The following TSPO variants were observed in gnomAD, a reference collection of about 807,000 sequenced individuals.
TSPO encodes benzodiazepine peripheral binding site.
TSPO carries 14 observed loss-of-function variants against 13.9 expected under a neutral mutation model. The observed-to-expected ratio is 1.01, with a 90% confidence interval of 0.67 to 1.58. The LOEUF is 1.58. TSPO is among the 40% of genes most tolerant of loss of function. The pLI is 0.00. For synonymous variants in TSPO, 114 were observed against 105.9 expected (o/e 1.08, Z -0.47); for missense variants, 232 against 229.6 (o/e 1.01, Z -0.07).
At chr22:43,157,895 C>A (rs766313115) in intron 1 of TSPO, among the ~76,000 whole-genome samples, 1 of 152,198 alleles carries the variant, frequency 6.6e-6, no homozygotes, top group African/African-American at 2.4e-5. Flanking sequence ...ATTCTGTAGT[C>A]AATGTTATAT....
In TSPO at chr22:43,162,865, G is replaced by A. The variant is rs1428469908; in HGVS notation, c.384G>A (p.Gln128=). 3 of 1,582,234 alleles carry A rather than the reference G, an allele frequency of 1.9e-6. No individual in the cohort carries two copies. Among genetic ancestry groups the A allele is most frequent in the Non-Finnish European group, 8.6e-7 (1 of 1,165,306 alleles). The part of the protein sequence containing the change: ...AAAATTVAWY[Q]VSPLAARLLY... ...CAGCCACTACCGTGGCCTGGTACCA[G>A]GTGAGCCCGCTGGCCGCCCGCCTGC... The change falls in exon 4 of 4, where the codon CAG becomes CAA. Residue 128 remains glutamine, a synonymous_variant. Coordinates refer to ENST00000337554, the MANE Select transcript of TSPO (RefSeq NM_000714.6).
rs1210309552 is a variant in TSPO at position 43,162,956 on chromosome 22, C to T, written c.475C>T (p.His159Tyr). ...CAACTACTGCGTATGGCGGGACAAC[C>T]ATGGCTGGCGTGGGGGACGGCGGCT... ...TLNYCVWRDN[H>Y]GWRGGRRLPE The change falls in exon 4 of 4, where the codon CAT (histidine) becomes TAT (tyrosine). Residue 159 changes from histidine (H) to tyrosine (Y), a missense_variant. His to Tyr is a moderately conservative substitution (Grantham distance 83). Transcript: ENST00000337554. The T allele has an allele frequency of 6.3e-7, 1 of 1,594,656 alleles. No homozygotes were observed. The highest frequency in any genetic ancestry group is 1.7e-5 in the Admixed American group (1 of 57,514).
chr22:43,155,119 G>T (rs1186397599), intron 1 of TSPO, among the ~76,000 whole-genome samples: 2 of 152,166 alleles, frequency 1.3e-5, no homozygotes, highest in East Asian at 3.9e-4. Context: ...CTCAAAGGGA[G>T]GGGTGGGGTG....
Position 43,161,162 on chromosome 22 carries a change from T to C in TSPO, c.293T>C (p.Ile98Thr). The stretch of plus-strand genomic sequence containing the variant: ...GCCCTGAACTGGGCATGGCCCCCCA[T>C]CTTCTTTGGTGCCCGACAAATGGGC... ...QLALNWAWPP[I>T]FFGARQMGWA... is the part of the protein sequence containing the mutation. Residue 98 changes from isoleucine to threonine, a missense_variant, in exon 3 of 4, where the codon ATC (isoleucine) becomes ACC (threonine). Coordinates refer to ENST00000337554, the MANE Select transcript of TSPO (RefSeq NM_000714.6). The C allele has an allele frequency of 1.2e-6, 2 of 1,613,604 alleles. No individual in the cohort carries two copies. Among genetic ancestry groups the C allele is most frequent in the Non-Finnish European group, 1.7e-6 (2 of 1,179,686 alleles).
chr22:43,156,759 C>T (rs922546594), intron 1 of TSPO, among the ~76,000 whole-genome samples: 1 of 152,166 alleles, frequency 6.6e-6, no homozygotes, highest in African/African-American at 2.4e-5. Context: ...TGAAAGCGCA[C>T]CAGCTTCCAT....
chr22:43,156,321 C>G (rs1931248165), intron 1 of TSPO, among the ~76,000 whole-genome samples: 1 of 152,180 alleles, frequency 6.6e-6, no homozygotes, highest in South Asian at 2.1e-4. Flanking sequence ...TTGTGATTTC[C>G]TGGGGACCGA....
At chr22:43,157,955 C>G (rs991149250) in intron 1 of TSPO, among the ~76,000 whole-genome samples, 9 of 152,216 alleles carry the variant, frequency 5.9e-5, no homozygotes, top group African/African-American at 2.2e-4. Context: ...TACTAGAAAG[C>G]CTTCAGAAGC....
chr22:43,162,832 G>A lies in TSPO; in HGVS notation c.351G>A (p.Gly117=). Residue 117 remains glycine (G), a synonymous_variant, in exon 4 of 4, where the codon GGG becomes GGA. Transcript: ENST00000337554. The part of the protein sequence containing the change: ...WALVDLLLVS[G]AAAATTVAWY... ...TGGTGGATCTCCTGCTGGTCAGTGG[G>A]GCGGCGGCAGCCACTACCGTGGCCT... 6.3e-7 allele frequency: 1 copy of A among 1,585,226 alleles called. No homozygotes were observed. Among genetic ancestry groups the A allele is most frequent in the South Asian group, 1.1e-5 (1 of 87,334 alleles).
intron 1 of TSPO, among the ~76,000 whole-genome samples, chr22:43,153,044 C>T (rs1931127690): frequency 6.7e-6 from 1 of 148,760 alleles, no homozygotes; most frequent in Non-Finnish European, 1.5e-5. Context: ...CCTCCCCTTC[C>T]CACCCCTTCT....
intron 1 of TSPO, among the ~76,000 whole-genome samples, chr22:43,158,399 G>A (rs1931322827): frequency 6.6e-6 from 1 of 152,180 alleles, no homozygotes; most frequent in Admixed American, 6.5e-5. Context: ...ATCGGGTTGT[G>A]TGGCTTCTTG....
chr22:43,157,559 G>A (rs1931293801), intron 1 of TSPO, among the ~76,000 whole-genome samples: 1 of 152,182 alleles, frequency 6.6e-6, no homozygotes. Context: ...GCCGGGCGCG[G>A]TGGCTCACGC....
At chr22:43,156,813 G>T (rs897220995) in intron 1 of TSPO, among the ~76,000 whole-genome samples, 1 of 152,168 alleles carries the variant, frequency 6.6e-6, no homozygotes, top group Non-Finnish European at 1.5e-5. Flanking sequence ...TTATGCTGGT[G>T]GTATTAACCT....
intron 3 of TSPO, among the ~76,000 whole-genome samples, chr22:43,162,217 G>A (rs1378114009): frequency 6.6e-6 from 1 of 152,126 alleles, no homozygotes; most frequent in Non-Finnish European, 1.5e-5. Context: ...CGTCTCCCAG[G>A]TTCAAGCAAT....
intron 1 of TSPO, among the ~76,000 whole-genome samples, chr22:43,154,998 C>G (rs990355413): frequency 1.3e-5 from 2 of 152,034 alleles, no homozygotes; most frequent in African/African-American, 4.8e-5. Context: ...CCAATCCTGG[C>G]GCCGCAGGCT....
At chr22:43,158,204 TG>T (rs1931316247) in intron 1 of TSPO, among the ~76,000 whole-genome samples, 2 of 152,210 alleles carry the variant, frequency 1.3e-5, no homozygotes, top group South Asian at 4.1e-4. Flanking sequence ...CGTGTTCCCC[TG>T]GGACGAAAGT....
intron 3 of TSPO, among the ~76,000 whole-genome samples, chr22:43,162,485 G>A (rs1014704490): frequency 1.3e-5 from 2 of 152,160 alleles, no homozygotes; most frequent in Non-Finnish European, 2.9e-5. Flanking sequence ...CTCAGTGGAG[G>A]CTCTAAGCTC....
intron 1 of TSPO, 47 bp from the exon 2 acceptor site, chr22:43,159,163 C>T (rs746605782): frequency 1.4e-5 from 19 of 1,381,640 alleles, no homozygotes; most frequent in East Asian, 2.7e-5. Context: ...CGGGCCTGAC[C>T]CCATGGCCTC....
intron 3 of TSPO, among the ~76,000 whole-genome samples, chr22:43,161,690 T>TG (rs1181074554): frequency 6.6e-6 from 1 of 151,836 alleles, no homozygotes; most frequent in African/African-American, 2.4e-5. Context: ...TTAGTAGAGA[T>TG]GGGGTTTCAC....
intron 3 of TSPO, among the ~76,000 whole-genome samples, chr22:43,162,259 C>T (rs1354572341): frequency 1.3e-5 from 2 of 152,152 alleles, no homozygotes; most frequent in Admixed American, 1.3e-4. Flanking sequence ...GTAGCTGGGA[C>T]TACAGGCACG....
Sources: gnomAD v4.1 joint callset for allele counts (sites outside exome capture counted in the v4.1 genomes callset) on GRCh38, gnomAD v4.1.1 for gene constraint, MANE v1.5 for transcripts, NCBI Gene and HGNC (gene_info 2026-07-23, HGNC 2026-07-21) for gene names.